MLKL: variants seen among roughly 807,000 people sequenced by gnomAD.
The protein encoded by MLKL is mixed lineage kinase domain-like protein.
MLKL carries 55 observed loss-of-function variants against 56.5 expected under a neutral mutation model. That is an observed-to-expected ratio of 0.97 (90% CI 0.78 to 1.22). MLKL has a LOEUF of 1.22. MLKL is among the 50% of genes most tolerant of loss of function. The pLI is 0.00. For synonymous variants in MLKL, 251 were observed against 208.3 expected, an observed-to-expected ratio of 1.20 and a Z score of -1.76; for missense variants, 694 against 573.9, an observed-to-expected ratio of 1.21 and a Z score of -2.14.
rs572220792 is a variant in MLKL, at chr16:74,681,665, G to T, written c.956+986C>A. On this transcript the variant is annotated intron_variant, in intron 6 of 10. Coordinates refer to ENST00000308807, the MANE Select transcript of MLKL (RefSeq NM_152649.4). ...AAAAATTAGCCAGGCGTAGTGGCAGGCACCTGTAGTCCCAGCTACTCGGGA... is the reference window on the plus strand; with the variant it reads ...AAAAATTAGCCAGGCGTAGTGGCAGTCACCTGTAGTCCCAGCTACTCGGGA... Among the ~76,000 whole-genome samples, 218 of 152,024 alleles carry T rather than the reference G, an allele frequency of 1.4e-3. 1 individual carries two copies. In the South Asian group the frequency reaches 0.015, roughly 10 times the overall value.
At chr16:74,684,817 A>G (rs1430727933) in intron 5 of MLKL, among the ~76,000 whole-genome samples, 2 of 152,066 alleles carry the variant, frequency 1.3e-5, no homozygotes, top group African/African-American at 4.8e-5. Context: ...TTTGTTCTAT[A>G]CTAATGATGA....
chr16:74,695,900 T>C, intron 1 of MLKL, 141 bp from the exon 2 acceptor site: 1 of 755,468 alleles, frequency 1.3e-6, no homozygotes, highest in Non-Finnish European at 2.1e-6. Context: ...AGAGATGGTT[T>C]GCTACCCACC....
chr16:74,691,839 TA>T (rs1247409479), intron 3 of MLKL, among the ~76,000 whole-genome samples: 6 of 152,142 alleles, frequency 3.9e-5, no homozygotes, highest in Non-Finnish European at 8.8e-5. Flanking sequence ...TCAGATCTAG[TA>T]GTTAGGGACA....
At position 74,695,594 on chromosome 16, in the gene MLKL, G is replaced by A. The variant is rs1276819379; in HGVS notation, c.164C>T (p.Ser55Phe). 6.2e-7 allele frequency: 1 copy of A among 1,614,078 alleles called. No homozygotes were observed. Among genetic ancestry groups the A allele is most frequent in the Non-Finnish European group, 8.5e-7 (1 of 1,180,048 alleles). Reference protein sequence around the residue: ...LQDQGKRSVPSEKLTTAMNRF... With the variant: ...LQDQGKRSVPFEKLTTAMNRF... ...GTTCATGGCTGTGGTTAACTTCTCA[G>A]AGGGCACGCTCCTCTTTCCTTGGTC... The change falls in exon 2 of 11, where the codon TCT becomes TTT. Residue 55 changes from serine (S) to phenylalanine (F), a missense_variant. Ser to Phe is a radical substitution (Grantham distance 155, BLOSUM62 -2). Coordinates refer to ENST00000308807, the MANE Select transcript of MLKL (RefSeq NM_152649.4).
chr16:74,682,334 A>T (rs1375502222), intron 6 of MLKL, among the ~76,000 whole-genome samples: 1 of 152,188 alleles, frequency 6.6e-6, no homozygotes, highest in African/African-American at 2.4e-5. Flanking sequence ...CTAAAAAATG[A>T]TTCATTACTT....
chr16:74,672,253 T>A lies in MLKL; in HGVS notation c.*251A>T. On this transcript the variant is annotated 3_prime_UTR_variant, in exon 11 of 11. Coordinates refer to ENST00000308807, the MANE Select transcript of MLKL (RefSeq NM_152649.4). ...CTGCAAATTTCATTGCCAAGAGGTGTGGATACCCAGAAAGATACATTTGAC... is the reference window on the plus strand; with the variant it reads ...CTGCAAATTTCATTGCCAAGAGGTGAGGATACCCAGAAAGATACATTTGAC... 1 of 407,872 alleles carries A rather than the reference T, an allele frequency of 2.5e-6. No homozygotes were observed. The highest frequency in any genetic ancestry group is 4.4e-6 in the Non-Finnish European group (1 of 224,752). 25.3% of individuals were successfully genotyped at this position (407,872 alleles called of 1,614,324 possible).
At chr16:74,687,136 C>T (rs545399869) in intron 4 of MLKL, among the ~76,000 whole-genome samples, 2 of 151,910 alleles carry the variant, frequency 1.3e-5, no homozygotes, top group East Asian at 1.9e-4. Context: ...CTACCATGCC[C>T]GGCTAATTTT....
At chr16:74,684,353 T>C (rs1960184092) in intron 5 of MLKL, among the ~76,000 whole-genome samples, 1 of 139,814 alleles carries the variant, frequency 7.2e-6, no homozygotes, top group Non-Finnish European at 1.5e-5. Flanking sequence ...GTCCAATCTC[T>C]AGGCAAGACG....
intron 1 of MLKL, among the ~76,000 whole-genome samples, chr16:74,700,141 T>A (rs548798772): frequency 1.3e-5 from 2 of 152,116 alleles, no homozygotes; most frequent in Non-Finnish European, 2.9e-5. Context: ...TCTCTCTCAC[T>A]CTGTCTCTCT....
At chr16:74,684,222 A>T (rs1297869194) in intron 5 of MLKL, among the ~76,000 whole-genome samples, 1 of 151,918 alleles carries the variant, frequency 6.6e-6, no homozygotes, top group African/African-American at 2.4e-5. Context: ...TGCTGGGATT[A>T]CAGATGTGAG....
chr16:74,675,467 C>T (rs1959536645), intron 8 of MLKL, 63 bp from the exon 9 acceptor site: 4 of 1,587,574 alleles, frequency 2.5e-6, no homozygotes, highest in Non-Finnish European at 1.7e-6. Flanking sequence ...GTCCCTCTAG[C>T]CACTGCCAGA....
chr16:74,673,788 C>G (rs1428536854), intron 10 of MLKL, among the ~76,000 whole-genome samples: 2 of 151,804 alleles, frequency 1.3e-5, no homozygotes, highest in African/African-American at 4.8e-5. Context: ...GACAAAAAGA[C>G]AACAAGATAA....
intron 1 of MLKL, among the ~76,000 whole-genome samples, chr16:74,698,261 T>G (rs1457877798): frequency 7.0e-6 from 1 of 143,314 alleles, no homozygotes; most frequent in Non-Finnish European, 1.5e-5. Flanking sequence ...ACAAAGTTAG[T>G]TTTTTTTTTT....
chr16:74,683,789 G>A (rs1240490439), intron 5 of MLKL, among the ~76,000 whole-genome samples: 1 of 152,022 alleles, frequency 6.6e-6, no homozygotes, highest in Non-Finnish European at 1.5e-5. Flanking sequence ...TGTGTGGGAG[G>A]AATGAGTAGG....
intron 4 of MLKL, among the ~76,000 whole-genome samples, chr16:74,689,379 G>T (rs1288993207): frequency 6.6e-6 from 1 of 152,056 alleles, no homozygotes; most frequent in African/African-American, 2.4e-5. Context: ...GCCTCCCAAA[G>T]TGCTGGGATT....
At chr16:74,692,026 G>A (rs556304478) in intron 3 of MLKL, among the ~76,000 whole-genome samples, 2 of 152,344 alleles carry the variant, frequency 1.3e-5, no homozygotes, top group Admixed American at 6.5e-5. Context: ...GAATGAGTGG[G>A]CATTTTAAAT....
intron 4 of MLKL, among the ~76,000 whole-genome samples, chr16:74,687,517 G>T (rs1960406153): frequency 6.6e-6 from 1 of 152,046 alleles, no homozygotes; most frequent in Non-Finnish European, 1.5e-5. Context: ...TGCAAAAGAA[G>T]AACAAAGCTG....
rs1439367287 is a variant in MLKL at position 74,675,641 on chromosome 16, G to A, written c.1162C>T (p.Gln388Ter). 3 of 1,613,722 alleles carry A rather than the reference G, an allele frequency of 1.9e-6. No individual in the cohort carries two copies. In the African/African-American group the frequency reaches 4.0e-5, roughly 22 times the overall value. The change falls in exon 8 of 11, where the codon CAA (glutamine) becomes TAA (stop). Residue 388 changes from glutamine (Q) to a stop codon, truncating the protein, a stop_gained. Coordinates refer to ENST00000308807, the MANE Select transcript of MLKL (RefSeq NM_152649.4). LOFTEE classifies it high-confidence loss of function. ...SPQELEDVFY[Q>*]YDVKSEIYSF... is the part of the protein sequence containing the mutation. ...TATATTTCAGACTTTACATCATATT[G>A]ATAAAATACATCTTCCAGTTCCTGA...
chr16:74,684,163 G>C (rs1960172516), intron 5 of MLKL, among the ~76,000 whole-genome samples: 1 of 151,894 alleles, frequency 6.6e-6, no homozygotes, highest in Admixed American at 6.6e-5. Flanking sequence ...GGCCAGGCTG[G>C]TCTCAAACTC....
Sources: allele counts gnomAD v4.1 joint callset (sites outside exome capture counted in the v4.1 genomes callset), GRCh38; gene constraint gnomAD v4.1.1; transcripts MANE v1.5; gene names NCBI Gene and HGNC (gene_info 2026-07-23, HGNC 2026-07-21).